The following ARHGEF28 variants were observed in gnomAD, a reference collection of about 807,000 sequenced individuals.
ARHGEF28 encodes Rho guanine nucleotide exchange factor 28.
In ARHGEF28, 152 loss-of-function variants were observed where a neutral mutation model predicts 206.6. The ratio of observed to expected loss-of-function variants is 0.74; its 90% CI spans 0.64 to 0.84. The LOEUF (loss-of-function observed/expected upper bound fraction) is 0.84, where lower values mean the gene tolerates loss of function less well. Among genes scored for constraint, ARHGEF28 ranks in the 40% least tolerant of loss-of-function variants. ARHGEF28 has a pLI of 0.00. For synonymous variants in ARHGEF28, 763 were observed against 776.4 expected (o/e 0.98, Z 0.29); for missense variants, 2,028 against 2,073.2 (o/e 0.98, Z 0.42).
intron 2 of ARHGEF28, among the ~76,000 whole-genome samples, chr5:73,735,002 A>G (rs1217073938): frequency 6.6e-6 from 1 of 152,094 alleles, no homozygotes; most frequent in Admixed American, 6.5e-5. Context: ...TAAACAAAAT[A>G]TCCTCTTCTG....
chr5:73,870,226 T>C lies in ARHGEF28; in HGVS notation c.2566+17T>C, dbSNP rs1460057469. 12 of 1,610,188 alleles carry C rather than the reference T, an allele frequency of 7.5e-6. No individual in the cohort carries two copies. Among genetic ancestry groups the C allele is most frequent in the East Asian group, 2.2e-5 (1 of 44,836 alleles). On this transcript the variant is annotated intron_variant, in intron 21 of 35. Coordinates refer to ENST00000513042, the MANE Select transcript of ARHGEF28 (RefSeq NM_001177693.2). ...TCATTTTTGGTAAGCGTTTCAAATA[T>C]GCTCTTTGGGTTGAAGCAGTGCGGT...
chr5:73,841,372 A>G (rs1395642022), intron 11 of ARHGEF28, among the ~76,000 whole-genome samples: 1 of 152,204 alleles, frequency 6.6e-6, no homozygotes, highest in African/African-American at 2.4e-5. Context: ...ATTAAAAAAT[A>G]TATTATTATA....
chr5:73,864,861 G>T lies in ARHGEF28; in HGVS notation c.2092G>T (p.Ala698Ser), dbSNP rs1400602248. Reference sequence around the variant, plus strand: ...CAAAGGTTGTAAAGATGCTGCGCCTGCATGCACCAAGGTAATTGCTCAGTG... The same window carrying T: ...CAAAGGTTGTAAAGATGCTGCGCCTTCATGCACCAAGGTAATTGCTCAGTG... ...VHKGCKDAAP[A>S]CTKKFQEKYN... Residue 698 changes from alanine to serine, a missense_variant, in exon 17 of 36, where the codon GCA (alanine) becomes TCA (serine). Ala to Ser is a moderately conservative substitution (Grantham distance 99). Coordinates refer to ENST00000513042, the MANE Select transcript of ARHGEF28 (RefSeq NM_001177693.2). The T allele has an allele frequency of 1.2e-6, 2 of 1,613,138 alleles. No homozygotes were observed.
intron 35 of ARHGEF28, among the ~76,000 whole-genome samples, chr5:73,932,530 C>G (rs1764182457): frequency 6.6e-6 from 1 of 152,098 alleles, no homozygotes; most frequent in Admixed American, 6.5e-5. Flanking sequence ...CCAGGAGAAG[C>G]CCTGCAATGT....
At chr5:73,788,460 C>A (rs1471479326) in intron 7 of ARHGEF28, among the ~76,000 whole-genome samples, 4 of 152,116 alleles carry the variant, frequency 2.6e-5, no homozygotes, top group African/African-American at 9.7e-5. Context: ...TGACCAGAAG[C>A]CTTGTCAATA....
intron 33 of ARHGEF28, 147 bp from the exon 34 acceptor site, chr5:73,909,265 T>G: frequency 8.2e-7 from 1 of 1,218,830 alleles, no homozygotes. Context: ...AACCTTGCCT[T>G]TGGAGGTAAC....
intron 2 of ARHGEF28, among the ~76,000 whole-genome samples, chr5:73,705,356 T>C (rs1038122254): frequency 1.3e-5 from 2 of 152,212 alleles, no homozygotes; most frequent in Non-Finnish European, 2.9e-5. Flanking sequence ...TCAACCTTCT[T>C]TACTCATCCA....
At chr5:73,727,338 C>A (rs759409019) in intron 2 of ARHGEF28, among the ~76,000 whole-genome samples, 5 of 152,150 alleles carry the variant, frequency 3.3e-5, no homozygotes, top group Non-Finnish European at 7.4e-5. Context: ...GTGAAATAAT[C>A]TTTTGTGACC....
At chr5:73,766,840 A>G (rs906210888) in intron 4 of ARHGEF28, among the ~76,000 whole-genome samples, 6 of 152,242 alleles carry the variant, frequency 3.9e-5, no homozygotes, top group Non-Finnish European at 7.3e-5. Context: ...AATCTGTTCC[A>G]TAGCAATTCC....
rs147747738 is a variant in ARHGEF28 at position 73,779,285 on chromosome 5, A to C, written c.841-1391A>C. Among the ~76,000 whole-genome samples the C allele has an allele frequency of 1.1e-4, 17 of 152,360 alleles. No individual in the cohort carries two copies. The East Asian group carries it at 3.1e-3, about 28-fold the overall frequency. ...AGGCAAACTCGTAGCCGTATCTTTTAATCACTTTTTAGTTATTTCCTCATA... is the reference window on the plus strand; with the variant it reads ...AGGCAAACTCGTAGCCGTATCTTTTCATCACTTTTTAGTTATTTCCTCATA... On this transcript the variant is annotated intron_variant, in intron 6 of 35. Transcript: ENST00000513042.
chr5:73,760,859 C>T (rs1752565027), intron 4 of ARHGEF28, among the ~76,000 whole-genome samples: 1 of 152,052 alleles, frequency 6.6e-6, no homozygotes, highest in East Asian at 1.9e-4. Flanking sequence ...GTTTAAGGTA[C>T]TACATGTTAA....
At chr5:73,684,587 C>T (rs1318298965) in intron 1 of ARHGEF28, among the ~76,000 whole-genome samples, 1 of 152,090 alleles carries the variant, frequency 6.6e-6, no homozygotes, top group Non-Finnish European at 1.5e-5. Flanking sequence ...TGGGTATATA[C>T]CTGGAAGTAG....
At chr5:73,904,044 GTGTT>G (rs957186432) in intron 31 of ARHGEF28, 174 bp from the exon 32 acceptor site, 11 of 620,742 alleles carry the variant, frequency 1.8e-5, no homozygotes, top group African/African-American at 5.5e-5. Flanking sequence ...TTGTTGTCAA[GTGTT>G]TGTTTGATTC....
chr5:73,800,192 G>A (rs1755050016), intron 9 of ARHGEF28, among the ~76,000 whole-genome samples: 2 of 152,066 alleles, frequency 1.3e-5, no homozygotes, highest in Admixed American at 1.3e-4. Context: ...TTACGTAGCT[G>A]TGATCATGAA....
intron 35 of ARHGEF28, among the ~76,000 whole-genome samples, chr5:73,929,419 TTAA>T (rs1763988454): frequency 6.6e-6 from 1 of 152,210 alleles, no homozygotes; most frequent in Non-Finnish European, 1.5e-5. Context: ...TAAGAAAAAG[TTAA>T]TAATTCCATA....
rs148464057 is a variant in ARHGEF28 at position 73,892,989 on chromosome 5, C to T, written c.3567-208C>T. ...GAATATTTGAGTCATCCCACACCAC[C>T]GATTTTGAGAGCCATGTAATGTTAT... On this transcript the variant is annotated intron_variant, in intron 27 of 35. Coordinates refer to ENST00000513042, the MANE Select transcript of ARHGEF28 (RefSeq NM_001177693.2). 6.4e-3 allele frequency among the ~76,000 whole-genome samples: 976 copies of T among 152,204 alleles called. 10 individuals are homozygous for T. The highest frequency in any genetic ancestry group is 0.022 in the African/African-American group (929 of 41,526).
Position 73,920,016 on chromosome 5 carries a change from A to G in ARHGEF28, c.4948+8441A>G, listed in dbSNP as rs75131364. On this transcript the variant is annotated intron_variant, in intron 35 of 35. Coordinates refer to ENST00000513042, the MANE Select transcript of ARHGEF28 (RefSeq NM_001177693.2). ...TATGATGAAGATTTGATAAACATTT[A>G]TGAAATGAATGGAGGAGTCCAGGTC... 8.2e-3 allele frequency among the ~76,000 whole-genome samples: 1,253 copies of G among 152,328 alleles called. 13 individuals carry two copies. The highest frequency in any genetic ancestry group is 0.028 in the African/African-American group (1,171 of 41,572).
intron 5 of ARHGEF28, among the ~76,000 whole-genome samples, chr5:73,774,848 C>A (rs1350300444): frequency 1.3e-5 from 2 of 152,088 alleles, no homozygotes; most frequent in Admixed American, 6.5e-5. Flanking sequence ...TAAATATTAA[C>A]CATTGTTAGA....
At position 73,903,799 on chromosome 5, in the gene ARHGEF28, A is replaced by C. The variant is rs577606743; in HGVS notation, c.4075-423A>C. The C allele has an allele frequency of 6.2e-5, 11 of 176,458 alleles. No homozygotes were observed. In the South Asian group the frequency reaches 1.6e-3, roughly 26 times the overall value. The allele number at this position is 176,458 out of a possible 1,614,324, so 10.9% of individuals were successfully genotyped here. On this transcript the variant is annotated intron_variant, in intron 31 of 35. Coordinates refer to ENST00000513042, the MANE Select transcript of ARHGEF28 (RefSeq NM_001177693.2). ...TTGAGAAAAGGAGTTAAGGCCAGACATGATATTCTTTCTTTAACTTTCAAT... is the reference window on the plus strand; with the variant it reads ...TTGAGAAAAGGAGTTAAGGCCAGACCTGATATTCTTTCTTTAACTTTCAAT...
Sources: allele counts gnomAD v4.1 joint callset (sites outside exome capture counted in the v4.1 genomes callset), GRCh38; gene constraint gnomAD v4.1.1; transcripts MANE v1.5; gene names NCBI Gene and HGNC (gene_info 2026-07-23, HGNC 2026-07-21).